Variants in SORBS3 observed in about 807,000 individuals in gnomAD.
SORBS3 encodes the protein sorbin and SH3 domain containing 3, also known as vinexin.
A neutral mutation model predicts 98.0 loss-of-function variants in SORBS3; 69 were observed. The observed-to-expected ratio is 0.70, with a 90% confidence interval of 0.58 to 0.86. The LOEUF is 0.86. Ranked by LOEUF, SORBS3 falls within the 40% of genes least tolerant of loss-of-function variation. SORBS3 has a pLI of 0.00. For synonymous variants in SORBS3, 394 were observed against 355.4 expected (o/e 1.11, Z -1.22); for missense variants, 954 against 908.5 (o/e 1.05, Z -0.64).
At chr8:22,572,807 T>C (rs1840624830) in intron 20 of SORBS3, among the ~76,000 whole-genome samples, 1 of 152,112 alleles carries the variant, frequency 6.6e-6, no homozygotes, top group Non-Finnish European at 1.5e-5. Flanking sequence ...GGACCAGGGC[T>C]CACACTTGAC....
chr8:22,564,724 T>G (rs1840368717), intron 10 of SORBS3: 1 of 1,418,208 alleles, frequency 7.1e-7, no homozygotes, highest in Non-Finnish European at 9.2e-7. Flanking sequence ...TAAATATGTG[T>G]TGGCCAAAGC....
chr8:22,564,121 C>T (rs768747709), intron 8 of SORBS3, 44 bp downstream of exon 8: 71 of 1,576,684 alleles, frequency 4.5e-5, no homozygotes, highest in Middle Eastern at 1.7e-4. Flanking sequence ...AGCTGTATGC[C>T]GTATGGCCAA....
chr8:22,553,347 C>CA (rs1840122083), intron 1 of SORBS3, among the ~76,000 whole-genome samples: 1 of 152,250 alleles, frequency 6.6e-6, no homozygotes, highest in Non-Finnish European at 1.5e-5. Context: ...CAGGCACAGG[C>CA]AAACCTGATT....
chr8:22,566,696 A>T lies in SORBS3; in HGVS notation c.1126A>T (p.Arg376Trp). The T allele has an allele frequency of 6.2e-7, 1 of 1,612,012 alleles. No homozygotes were observed. The highest frequency in any genetic ancestry group is 8.5e-7 in the Non-Finnish European group (1 of 1,179,390). ...SASNGGGSPA[R>W]REEKKRKAAR... ...CTCTAACGGAGGGGGCAGCCCAGCC[A>T]GGAGGGAAGAGAAGAAGGTAAGGAG... is the stretch of plus-strand genomic sequence containing the variant. Residue 376 changes from arginine (R) to tryptophan (W), a missense_variant, in exon 14 of 21, where the codon AGG becomes TGG. By Grantham distance (101) the Arg-to-Trp change is moderately radical. Coordinates refer to ENST00000240123, the MANE Select transcript of SORBS3 (RefSeq NM_005775.5).
rs759353267 is a variant in SORBS3 at position 22,566,497 on chromosome 8, C to A, written c.1090+13C>A. ...TCCTCAACCCGAGGTAAGGACCCAGCCCTGCTCTCTTTCTCACGGAGATGC... is the reference window on the plus strand; with the variant it reads ...TCCTCAACCCGAGGTAAGGACCCAGACCTGCTCTCTTTCTCACGGAGATGC... On this transcript the variant is annotated intron_variant, in intron 13 of 20. Coordinates refer to ENST00000240123, the MANE Select transcript of SORBS3 (RefSeq NM_005775.5). 1 of 1,611,360 alleles carries A rather than the reference C, an allele frequency of 6.2e-7. No homozygotes were observed. Among genetic ancestry groups the A allele is most frequent in the East Asian group, 2.2e-5 (1 of 44,828 alleles).
Position 22,566,480 on chromosome 8 carries a change from C to G in SORBS3, c.1086C>G (p.Thr362=). 1.2e-6 allele frequency: 2 copies of G among 1,613,560 alleles called. No individual in the cohort carries two copies. Among genetic ancestry groups the G allele is most frequent in the Non-Finnish European group, 1.7e-6 (2 of 1,179,720 alleles). ...GRRDFVYPSS[T]RDPSASNGGG... ...GGGACTTTGTCTACCCTTCCTCAAC[C>G]CGAGGTAAGGACCCAGCCCTGCTCT... Residue 362 remains threonine (T), a synonymous_variant, in exon 13 of 21, where the codon ACC becomes ACG. Coordinates refer to ENST00000240123, the MANE Select transcript of SORBS3 (RefSeq NM_005775.5).
Position 22,572,326 on chromosome 8 carries a change from T to A in SORBS3, c.1848-14T>A, listed in dbSNP as rs1300012840. 6.2e-7 allele frequency: 1 copy of A among 1,611,198 alleles called. No individual in the cohort carries two copies. The highest frequency in any genetic ancestry group is 8.5e-7 in the Non-Finnish European group (1 of 1,177,486). ...TGGGCCCATTCTCTGGTTGCCATGA[T>A]ACGCTTCTCGCAGGTACCGGGCGAT... is the stretch of plus-strand genomic sequence containing the variant. On this transcript the variant is annotated splice_polypyrimidine_tract_variant and intron_variant, in intron 19 of 20. Coordinates refer to ENST00000240123, the MANE Select transcript of SORBS3 (RefSeq NM_005775.5).
chr8:22,571,369 C>T, intron 18 of SORBS3, 148 bp downstream of exon 18: 4 of 611,904 alleles, frequency 6.5e-6, no homozygotes, highest in Non-Finnish European at 8.6e-6. Context: ...ATGGCAGCCC[C>T]ACCCTGGCCT....
chr8:22,561,644 CACCTACTCGG>C (rs1840297653), intron 6 of SORBS3: 1 of 614,392 alleles, frequency 1.6e-6, no homozygotes, highest in South Asian at 1.9e-5. Flanking sequence ...ATGAGATCAT[CACCTACTCGG>C]AGTTGTTTTG....
At position 22,575,419 on chromosome 8, in the gene SORBS3, C is replaced by G. The variant is rs571159766; in HGVS notation, c.*691C>G. On this transcript the variant is annotated 3_prime_UTR_variant, in exon 21 of 21. Transcript: ENST00000240123. ...TCCCCAGGGAGACTGCTGTGTGCTG[C>G]CCGCCTGCCTGCTGGCTCTCCCCCA... 1.0e-4 allele frequency: 16 copies of G among 158,284 alleles called. No homozygotes were observed. In the East Asian group the frequency reaches 1.2e-3, roughly 11 times the overall value. The allele number at this position is 158,284 out of a possible 1,614,324, so 9.8% of individuals were successfully genotyped here.
chr8:22,551,814 C>G (rs1248234051), upstream of SORBS3: 1 of 985,772 alleles, frequency 1.0e-6, no homozygotes, highest in Non-Finnish European at 1.2e-6. The surrounding 1 kb of genome is among the most constrained non-coding windows in gnomAD (Gnocchi z 5.8). Context: ...TCTCACGGTC[C>G]GGCCTCCGGC....
rs111518496 is a variant in SORBS3 at position 22,553,716 on chromosome 8, T to C, written c.-55-736T>C. Among the ~76,000 whole-genome samples the C allele has an allele frequency of 2.1e-4, 32 of 152,288 alleles. 2 individuals carry two copies. In the East Asian group the frequency reaches 3.7e-3, roughly 17 times the overall value. On this transcript the variant is annotated intron_variant, in intron 1 of 20. Transcript: ENST00000240123. Reference sequence around the variant, plus strand: ...GTATGTGCGTGCACATTTGCCCACATGCAGAACACCCCAGGGCACTCAGCA... The same window carrying C: ...GTATGTGCGTGCACATTTGCCCACACGCAGAACACCCCAGGGCACTCAGCA...
intron 9 of SORBS3, 22 bp from the exon 10 acceptor site, chr8:22,564,446 A>G (rs201981822): frequency 1.1e-5 from 18 of 1,614,066 alleles, no homozygotes; most frequent in Admixed American, 8.3e-5. Context: ...ACCTGCTCTG[A>G]CACACCCTTT....
intron 5 of SORBS3, among the ~76,000 whole-genome samples, chr8:22,559,498 C>T (rs548467503): frequency 2.6e-4 from 40 of 152,174 alleles, no homozygotes; most frequent in Non-Finnish European, 5.7e-4. Context: ...CTTAGGAGTT[C>T]GAGACCAGCC....
intron 3 of SORBS3, among the ~76,000 whole-genome samples, chr8:22,556,196 T>C (rs1840180452): frequency 6.6e-6 from 1 of 152,148 alleles, no homozygotes; most frequent in Non-Finnish European, 1.5e-5. Context: ...ACTGAGAGCC[T>C]CTCGACTGTG....
At chr8:22,546,951 T>C (rs1305147643), upstream of SORBS3, among the ~76,000 whole-genome samples, 3 of 152,156 alleles carry the variant, frequency 2.0e-5, no homozygotes, top group East Asian at 5.8e-4. Flanking sequence ...CTCTACAGGT[T>C]ATGGCAGTAG....
intron 20 of SORBS3, among the ~76,000 whole-genome samples, chr8:22,573,138 C>CA (rs57425551): frequency 0.24 from 36,307 of 152,078 alleles, 4,467 homozygotes; most frequent in Admixed American, 0.32. Context: ...CCTGGCAGCC[C>CA]ACCCTTCCTG....
intron 13 of SORBS3, 24 bp from the exon 14 acceptor site, chr8:22,566,637 A>T: frequency 1.3e-6 from 2 of 1,593,392 alleles, no homozygotes; most frequent in Non-Finnish European, 1.7e-6. Flanking sequence ...GGCCTCCCCA[A>T]GCTGAGGTTG....
upstream of SORBS3, chr8:22,551,813 C>T (rs1840086282): frequency 1.0e-6 from 1 of 985,942 alleles, no homozygotes; most frequent in Non-Finnish European, 1.2e-6. This position sits in a 1 kb window ranked among gnomAD's most constrained non-coding sequence, Gnocchi z 5.8. Context: ...CTCTCACGGT[C>T]CGGCCTCCGG....
Sources: allele counts gnomAD v4.1 joint callset (sites outside exome capture counted in the v4.1 genomes callset), GRCh38; gene constraint gnomAD v4.1.1; non-coding constraint Gnocchi (gnomAD v3.1); transcripts MANE v1.5; gene names NCBI Gene and HGNC (gene_info 2026-07-23, HGNC 2026-07-21).